Variants in CDHR3 observed in about 807,000 individuals in gnomAD.
The protein encoded by CDHR3 is cadherin-related family member 3.
In CDHR3, 79 loss-of-function variants were observed where a neutral mutation model predicts 86.6. The observed-to-expected ratio is 0.91, with a 90% CI of 0.76 to 1.10. CDHR3 has a LOEUF of 1.10. Among genes scored for constraint, CDHR3 ranks in the 50% least tolerant of loss-of-function variants. The probability of loss-of-function intolerance (pLI) is 0.00; values close to 1 mark genes in which losing one functional copy is unlikely to be tolerated. For synonymous variants in CDHR3, 421 were observed against 402.4 expected (o/e 1.05, Z -0.55); for missense variants, 1,081 against 1,077.6 (o/e 1.00, Z -0.04).
intron 1 of CDHR3, among the ~76,000 whole-genome samples, chr7:105,968,330 A>G (rs907128317): frequency 1.3e-5 from 2 of 152,128 alleles, no homozygotes; most frequent in African/African-American, 2.4e-5. Flanking sequence ...TACTGAGCAT[A>G]TGCATTTTCT....
intron 1 of CDHR3, among the ~76,000 whole-genome samples, chr7:105,966,943 C>T (rs1827031097): frequency 8.1e-6 from 1 of 122,776 alleles, no homozygotes. Flanking sequence ...ATGGTAAAAA[C>T]CACAATTACT....
chr7:106,032,699 C>T lies in CDHR3; in HGVS notation c.*2C>T, dbSNP rs200182443. On this transcript the variant is annotated 3_prime_UTR_variant, in exon 19 of 19. Transcript: ENST00000317716. ...CCCAAACCACACCCAGGAAAGTAAA[C>T]GGGGTCTAAGGAGGGGCCTGTCAAT... The T allele has an allele frequency of 4.0e-5, 65 of 1,607,490 alleles. No homozygotes were observed. The highest frequency in any genetic ancestry group is 1.3e-4 in the Admixed American group (8 of 59,410).
chr7:105,988,279 G>C (rs1248800927), intron 4 of CDHR3, among the ~76,000 whole-genome samples: 1 of 152,176 alleles, frequency 6.6e-6, no homozygotes, highest in Non-Finnish European at 1.5e-5. Context: ...GCAGATTCCT[G>C]GACATTGCCT....
intron 4 of CDHR3, among the ~76,000 whole-genome samples, chr7:105,988,595 G>A (rs1830863083): frequency 6.6e-6 from 1 of 152,218 alleles, no homozygotes; most frequent in African/African-American, 2.4e-5. Context: ...AAGTGAAACT[G>A]TATCACAGTT....
chr7:105,993,499 G>A (rs1218769884), intron 4 of CDHR3, among the ~76,000 whole-genome samples: 1 of 148,250 alleles, frequency 6.7e-6, no homozygotes, highest in Non-Finnish European at 1.5e-5. Context: ...GTGAAACCCT[G>A]TCTCTACAAA....
At chr7:105,989,594 T>G (rs1179816194) in intron 4 of CDHR3, among the ~76,000 whole-genome samples, 1 of 152,044 alleles carries the variant, frequency 6.6e-6, no homozygotes, top group Admixed American at 6.5e-5. Context: ...TGCTCATAGC[T>G]CTAGGAAGTG....
Position 106,032,581 on chromosome 7 carries a change from TG to T in CDHR3, c.2545del (p.Ala849LeufsTer26). 1 of 1,613,982 alleles carries T rather than the reference TG, an allele frequency of 6.2e-7. No homozygotes were observed. The highest frequency in any genetic ancestry group is 8.5e-7 in the Non-Finnish European group (1 of 1,179,888). On this transcript the variant is annotated frameshift_variant, in exon 19 of 19. Coordinates refer to ENST00000317716, the MANE Select transcript of CDHR3 (RefSeq NM_152750.5). LOFTEE classifies it low-confidence loss of function (END_TRUNC). ...AGAAGATGAGCTGAGTGGCAAAGCGTGGGCTGAGGATGCTGGTCTGGGTTCC... is the reference window on the plus strand; with the variant it reads ...AGAAGATGAGCTGAGTGGCAAAGCGTGGCTGAGGATGCTGGTCTGGGTTCC... ...WEEDELSGKAWAEDAGLGSRN... is the reference protein window; with the variant it reads ...WEEDELSGKAXAEDAGLGSRN...
chr7:106,010,769 G>A (rs1834676000), intron 8 of CDHR3, among the ~76,000 whole-genome samples: 1 of 151,930 alleles, frequency 6.6e-6, no homozygotes, highest in Non-Finnish European at 1.5e-5. Context: ...GGAGATGCCT[G>A]TGGCAGAAAA....
At position 105,989,767 on chromosome 7, in the gene CDHR3, G is replaced by A. The variant is rs1831083707; in HGVS notation, c.514-4984G>A. Among the ~76,000 whole-genome samples, 3 of 152,128 alleles carry A rather than the reference G, an allele frequency of 2.0e-5. No homozygotes were observed. The South Asian group carries it at 6.2e-4, about 32-fold the overall frequency. ...CTGAGGGGTCAGGTAACTCCAGTGA[G>A]AACCCAGGTCTCCTGACCCACCTCC... On this transcript the variant is annotated intron_variant, in intron 4 of 18. Transcript: ENST00000317716.
intron 6 of CDHR3, 59 bp downstream of exon 6, chr7:105,996,413 T>G: frequency 1.1e-6 from 1 of 938,842 alleles, no homozygotes; most frequent in Admixed American, 2.0e-5. Flanking sequence ...TTAGGCGGCC[T>G]CGTCTCCTCC....
intron 3 of CDHR3, among the ~76,000 whole-genome samples, chr7:105,983,932 C>T (rs1459708035): frequency 6.6e-6 from 1 of 152,154 alleles, no homozygotes; most frequent in Non-Finnish European, 1.5e-5. Flanking sequence ...ACAGCATCAC[C>T]CTGGGGCACC....
intron 14 of CDHR3, among the ~76,000 whole-genome samples, chr7:106,022,740 G>C (rs1836768621): frequency 6.6e-6 from 1 of 152,152 alleles, no homozygotes; most frequent in South Asian, 2.1e-4. Context: ...CATCTGTGTG[G>C]CTTGTGGCAC....
At chr7:105,985,503 A>G (rs748743475) in intron 4 of CDHR3, among the ~76,000 whole-genome samples, 5 of 152,190 alleles carry the variant, frequency 3.3e-5, no homozygotes, top group South Asian at 4.1e-4. Flanking sequence ...TGCAGCTTCA[A>G]TTGGACTACT....
chr7:106,001,400 G>C, intron 6 of CDHR3, 62 bp from the exon 7 acceptor site: 1 of 1,587,686 alleles, frequency 6.3e-7, no homozygotes, highest in Non-Finnish European at 8.6e-7. Context: ...AATACCAATC[G>C]CCTAGATGCT....
rs753059990 is a variant in CDHR3 at position 106,004,608 on chromosome 7, C to T, written c.973C>T (p.Gln325Ter). ...AGTGAAGGACAGACCATATGGGGGT[C>T]AGGAGAATCGCATCCAGATAACCTT... ...VLVKDRPYGG[Q>*]ENRIQITFIV... Residue 325 changes from glutamine (Q) to a stop codon, truncating the protein, a stop_gained, in exon 8 of 19, where the codon CAG becomes TAG. Coordinates refer to ENST00000317716, the MANE Select transcript of CDHR3 (RefSeq NM_152750.5). LOFTEE classifies it high-confidence loss of function. 4 of 1,614,018 alleles carry T rather than the reference C, an allele frequency of 2.5e-6. No homozygotes were observed. The South Asian group carries it at 3.3e-5, about 13-fold the overall frequency.
At chr7:106,019,359 T>G (rs1836179713) in intron 12 of CDHR3, among the ~76,000 whole-genome samples, 1 of 151,960 alleles carries the variant, frequency 6.6e-6, no homozygotes, top group Non-Finnish European at 1.5e-5. Context: ...CCAAGGAAAG[T>G]TGGAGATAAT....
In CDHR3 at chr7:106,009,053, C is replaced by G. The variant is rs77241502; in HGVS notation, c.1053-3807C>G. Among the ~76,000 whole-genome samples the G allele has an allele frequency of 8.1e-3, 1,230 of 152,302 alleles. 19 individuals are homozygous for G. The highest frequency in any genetic ancestry group is 0.027 in the African/African-American group (1,131 of 41,550). On this transcript the variant is annotated intron_variant, in intron 8 of 18. Transcript: ENST00000317716. Reference sequence around the variant, plus strand: ...GCTGGTGAAACTGCAATTCGAATATCCTAGACTGTCCAGGCAAGACCAAAC... The same window carrying G: ...GCTGGTGAAACTGCAATTCGAATATGCTAGACTGTCCAGGCAAGACCAAAC...
At chr7:105,991,879 C>G (rs966286876) in intron 4 of CDHR3, among the ~76,000 whole-genome samples, 1 of 152,196 alleles carries the variant, frequency 6.6e-6, no homozygotes, top group Admixed American at 6.5e-5. Flanking sequence ...ATTGTTCTAG[C>G]ACTTTATATG....
chr7:105,972,378 G>A (rs1192234966), intron 1 of CDHR3, among the ~76,000 whole-genome samples: 2 of 152,252 alleles, frequency 1.3e-5, no homozygotes, highest in South Asian at 4.1e-4. Flanking sequence ...TTCTAACTTT[G>A]CTTGTTGCCT....
Sources: gnomAD v4.1 joint callset for allele counts (sites outside exome capture counted in the v4.1 genomes callset) on GRCh38, gnomAD v4.1.1 for gene constraint, MANE v1.5 for transcripts, NCBI Gene and HGNC (gene_info 2026-07-23, HGNC 2026-07-21) for gene names.